The following ABCC4 variants were observed in gnomAD, a reference collection of about 807,000 sequenced individuals.
ABCC4 encodes the protein ATP binding cassette subfamily C member 4 (PEL blood group), also known as ATP-binding cassette sub-family C member 4.
A neutral mutation model predicts 168.5 loss-of-function variants in ABCC4; 102 were observed. That is an observed-to-expected ratio of 0.61 (90% confidence interval 0.52 to 0.71). The LOEUF is 0.71. ABCC4 is among the 30% of genes least tolerant of loss of function. ABCC4 has a pLI of 0.00. For synonymous variants in ABCC4, 617 were observed against 590.7 expected, an observed-to-expected ratio of 1.04 and a Z score of -0.65; for missense variants, 1,402 against 1,605.8, an observed-to-expected ratio of 0.87 and a Z score of 2.17.
At position 95,177,750 on chromosome 13, in the gene ABCC4, G is replaced by T. The variant is rs1337992043; in HGVS notation, c.1684C>A (p.Leu562Ile). 6.2e-7 allele frequency: 1 copy of T among 1,612,084 alleles called. No individual in the cohort carries two copies. The highest frequency in any genetic ancestry group is 1.7e-5 in the Admixed American group (1 of 59,990). Reference sequence around the variant, plus strand: ...CTAACTTCCGCATCTACTGCACTGAGAGGATCGTCCAGGAGATAGATGTCA... The same window carrying T: ...CTAACTTCCGCATCTACTGCACTGATAGGATCGTCCAGGAGATAGATGTCA... ...DADIYLLDDPLSAVDAEVSRH... is the reference protein window; with the variant it reads ...DADIYLLDDPISAVDAEVSRH... The change falls in exon 13 of 31, where the codon CTC becomes ATC. Residue 562 changes from leucine to isoleucine, a missense_variant. Coordinates refer to ENST00000645237, the MANE Select transcript of ABCC4 (RefSeq NM_005845.5).
At chr13:95,067,390 T>A (rs1252222401) in intron 25 of ABCC4, among the ~76,000 whole-genome samples, 1 of 152,126 alleles carries the variant, frequency 6.6e-6, no homozygotes, top group Non-Finnish European at 1.5e-5. Context: ...TCATGTTTAG[T>A]CACAAGAGGG....
At chr13:95,130,399 A>C (rs1366980597) in intron 19 of ABCC4, among the ~76,000 whole-genome samples, 1 of 152,174 alleles carries the variant, frequency 6.6e-6, no homozygotes, top group Non-Finnish European at 1.5e-5. Context: ...TAAAACCCAC[A>C]TTTTGTTTTC....
At chr13:95,114,127 G>C (rs1420522322) in intron 20 of ABCC4, among the ~76,000 whole-genome samples, 1 of 152,124 alleles carries the variant, frequency 6.6e-6, no homozygotes, top group Non-Finnish European at 1.5e-5. Flanking sequence ...GGGCCAGTAG[G>C]ATTCCACAAC....
intron 30 of ABCC4, among the ~76,000 whole-genome samples, chr13:95,030,043 C>T (rs1027586453): frequency 8.6e-5 from 12 of 140,044 alleles, no homozygotes; most frequent in South Asian, 2.3e-4. Context: ...TTTTTTGAGA[C>T]GGAGTCTTGC....
Position 95,034,623 on chromosome 13 carries a change from G to A in ABCC4, c.3852C>T (p.Leu1284=), listed in dbSNP as rs746753787. The A allele has an allele frequency of 5.6e-6, 9 of 1,613,450 alleles. No individual in the cohort carries two copies. The highest frequency in any genetic ancestry group is 7.6e-6 in the Non-Finnish European group (9 of 1,179,958). Reference sequence around the variant, plus strand: ...CGCTCACCTGTTTTGCTGTTTCAGTGAGGGCAGCGGCTTCTGCCTTGCCCA... The same window carrying A: ...CGCTCACCTGTTTTGCTGTTTCAGTAAGGGCAGCGGCTTCTGCCTTGCCCA... ...QQLGKAEAAA[L]TETAKQVYFK... Residue 1284 remains leucine (L), a synonymous_variant, in exon 30 of 31, where the codon CTC becomes CTT. Coordinates refer to ENST00000645237, the MANE Select transcript of ABCC4 (RefSeq NM_005845.5).
intron 8 of ABCC4, among the ~76,000 whole-genome samples, chr13:95,197,482 A>G (rs1334568088): frequency 6.6e-6 from 1 of 152,222 alleles, no homozygotes; most frequent in Non-Finnish European, 1.5e-5. Context: ...GACAGACATG[A>G]TAATAGTTTA....
chr13:95,064,534 G>GT (rs2033454961), intron 25 of ABCC4, among the ~76,000 whole-genome samples: 1 of 145,540 alleles, frequency 6.9e-6, no homozygotes, highest in Non-Finnish European at 1.5e-5. Context: ...TGTGTGTGTG[G>GT]GGCTTATGTG....
At position 95,246,889 on chromosome 13, in the gene ABCC4, C is replaced by A. The variant is rs988061507; in HGVS notation, c.306+86G>T. 11 of 1,463,066 alleles carry A rather than the reference C, an allele frequency of 7.5e-6. No individual in the cohort carries two copies. In the African/African-American group the frequency reaches 1.3e-4, roughly 17 times the overall value. The allele number at this position is 1,463,066 out of a possible 1,614,324, so 90.6% of individuals were successfully genotyped here. On this transcript the variant is annotated intron_variant, in intron 3 of 30. Transcript: ENST00000645237. ...ATCTGGCCACTTCTCCCTTCTGTTCCCCCATCCATTACAGCACCAGTCAAT... is the reference window on the plus strand; with the variant it reads ...ATCTGGCCACTTCTCCCTTCTGTTCACCCATCCATTACAGCACCAGTCAAT...
At chr13:95,288,283 G>C (rs1386627761) in intron 1 of ABCC4, among the ~76,000 whole-genome samples, 1 of 152,044 alleles carries the variant, frequency 6.6e-6, no homozygotes, top group African/African-American at 2.4e-5. Context: ...TAAGACACAG[G>C]TGTCAGCAAC....
At chr13:95,222,379 G>A (rs968984291) in intron 4 of ABCC4, among the ~76,000 whole-genome samples, 2 of 152,218 alleles carry the variant, frequency 1.3e-5, no homozygotes, top group Admixed American at 6.5e-5. Flanking sequence ...ACCACTTTCC[G>A]ACTGTGGCAG....
chr13:95,280,414 C>G (rs60098321), intron 1 of ABCC4, among the ~76,000 whole-genome samples: 1 of 70,902 alleles, frequency 1.4e-5, no homozygotes, highest in Middle Eastern at 7.9e-3. Flanking sequence ...GAGACTCCAT[C>G]TCAAAAAAAA....
chr13:95,102,418 C>A (rs1044918130), intron 20 of ABCC4, among the ~76,000 whole-genome samples: 7 of 151,714 alleles, frequency 4.6e-5, no homozygotes, highest in African/African-American at 1.7e-4. Context: ...ATTGCTAGGA[C>A]TACAACCATA....
chr13:95,275,821 C>A (rs1192941320), intron 1 of ABCC4, among the ~76,000 whole-genome samples: 1 of 151,286 alleles, frequency 6.6e-6, no homozygotes, highest in Non-Finnish European at 1.5e-5. Flanking sequence ...AATATAATAA[C>A]CTTTATGCCT....
chr13:95,079,450 TC>T (rs2034016837), intron 21 of ABCC4, among the ~76,000 whole-genome samples: 1 of 152,200 alleles, frequency 6.6e-6, no homozygotes, highest in Non-Finnish European at 1.5e-5. Flanking sequence ...CTCTGGTAGT[TC>T]CCGTATGTTC....
intron 1 of ABCC4, among the ~76,000 whole-genome samples, chr13:95,299,267 C>A (rs1421801095): frequency 8.9e-4 from 116 of 129,790 alleles, no homozygotes; most frequent in South Asian, 1.3e-3. Flanking sequence ...GATCCTGTCT[C>A]AAAAAAAAAA....
chr13:95,093,095 C>T (rs2034487084), intron 20 of ABCC4, among the ~76,000 whole-genome samples: 1 of 152,078 alleles, frequency 6.6e-6, no homozygotes, highest in Non-Finnish European at 1.5e-5. Flanking sequence ...AGATTCACAG[C>T]AGAATTTTAC....
At chr13:95,165,830 G>A (rs187824111) in intron 15 of ABCC4, among the ~76,000 whole-genome samples, 22 of 152,120 alleles carry the variant, frequency 1.4e-4, no homozygotes, top group Non-Finnish European at 2.6e-4. Flanking sequence ...AGAGAAGTCG[G>A]GGGCCACCAG....
At chr13:95,191,998 A>G (rs1299363973) in intron 9 of ABCC4, among the ~76,000 whole-genome samples, 1 of 152,220 alleles carries the variant, frequency 6.6e-6, no homozygotes, top group Non-Finnish European at 1.5e-5. Flanking sequence ...CCCAGGCTCC[A>G]AGACACACTA....
intron 1 of ABCC4, among the ~76,000 whole-genome samples, chr13:95,294,381 C>T (rs917272642): frequency 6.6e-6 from 1 of 151,760 alleles, no homozygotes; most frequent in Non-Finnish European, 1.5e-5. Flanking sequence ...AAACAAGAAA[C>T]CAAGACCATG....
Sources: gnomAD v4.1 joint callset for allele counts (sites outside exome capture counted in the v4.1 genomes callset) on GRCh38, gnomAD v4.1.1 for gene constraint, MANE v1.5 for transcripts, NCBI Gene and HGNC (gene_info 2026-07-23, HGNC 2026-07-21) for gene names.